Variants in RANBP17 observed in about 807,000 individuals in gnomAD.
RANBP17 encodes the protein RAN binding protein 17, also known as ran-binding protein 17.
RANBP17 carries 158 observed loss-of-function variants against 141.2 expected under a neutral mutation model. The ratio of observed to expected loss-of-function variants is 1.12; its 90% CI spans 0.98 to 1.28. RANBP17 has a LOEUF of 1.28. Ranked by LOEUF, RANBP17 falls within the 50% of genes most tolerant of loss-of-function variation. The pLI is 0.00. For missense variants in RANBP17, 1,438 were observed against 1,290.7 expected (o/e 1.11, Z -1.75); for synonymous variants, 430 against 450.0 (o/e 0.96, Z 0.56).
At chr5:171,296,857 G>C (rs554751623) in intron 27 of RANBP17, among the ~76,000 whole-genome samples, 1 of 152,206 alleles carries the variant, frequency 6.6e-6, no homozygotes, top group Non-Finnish European at 1.5e-5. Context: ...AAATTGCAGT[G>C]AGCTGAGATC....
At chr5:171,250,637 G>C (rs1302731407) in intron 24 of RANBP17, among the ~76,000 whole-genome samples, 1 of 151,974 alleles carries the variant, frequency 6.6e-6, no homozygotes, top group Non-Finnish European at 1.5e-5. Context: ...AAAGTAAAGA[G>C]AAGGAAAAAG....
At chr5:171,106,423 G>A (rs1186132738) in intron 14 of RANBP17, among the ~76,000 whole-genome samples, 1 of 152,178 alleles carries the variant, frequency 6.6e-6, no homozygotes, top group Non-Finnish European at 1.5e-5. Flanking sequence ...GGAATAGAAT[G>A]AGAATACTGG....
intron 13 of RANBP17, among the ~76,000 whole-genome samples, chr5:170,957,365 T>C (rs2127506532): frequency 6.6e-6 from 1 of 152,124 alleles, no homozygotes; most frequent in East Asian, 1.9e-4. Flanking sequence ...GGAAAGTAAG[T>C]GAGACAATAA....
At position 170,910,946 on chromosome 5, in the gene RANBP17, C is replaced by A. The variant is rs375419811; in HGVS notation, c.595-23C>A. The A allele has an allele frequency of 5.6e-6, 9 of 1,604,230 alleles. No homozygotes were observed. The African/African-American group carries it at 1.1e-4, about 19-fold the overall frequency. On this transcript the variant is annotated intron_variant, in intron 6 of 27. Transcript: ENST00000523189. ...TTATTGATGTATTTCGCAGTGTTTT[C>A]TTTGATTTTGTACTTTTTTCAGGTG...
chr5:170,892,103 CT>C (rs1169984601), intron 3 of RANBP17, among the ~76,000 whole-genome samples: 1 of 145,104 alleles, frequency 6.9e-6, no homozygotes, highest in East Asian at 2.0e-4. Flanking sequence ...AATACTGCAA[CT>C]TTTTTGTTTA....
intron 13 of RANBP17, among the ~76,000 whole-genome samples, chr5:170,963,764 A>G (rs546510494): frequency 6.6e-6 from 1 of 152,328 alleles, no homozygotes; most frequent in South Asian, 2.1e-4. Context: ...CTGGTTCCTA[A>G]CAGGCCACAG....
intron 3 of RANBP17, among the ~76,000 whole-genome samples, chr5:170,884,236 C>T (rs1768961889): frequency 6.6e-6 from 1 of 152,120 alleles, no homozygotes; most frequent in Non-Finnish European, 1.5e-5. Context: ...GACCTCTGTA[C>T]AATTGACCCT....
At chr5:171,265,919 T>G (rs897659884) in intron 25 of RANBP17, 72 bp downstream of exon 25, 2 of 1,392,958 alleles carry the variant, frequency 1.4e-6, no homozygotes, top group Admixed American at 2.1e-5. Flanking sequence ...CGAATTTATC[T>G]TAGAGCAGCT....
chr5:171,032,485 T>A (rs1352371126), intron 14 of RANBP17, among the ~76,000 whole-genome samples: 2 of 152,122 alleles, frequency 1.3e-5, no homozygotes, highest in Admixed American at 1.3e-4. Context: ...ACTTTAAACA[T>A]TGATTTAGAG....
At chr5:171,093,466 C>T (rs953195551) in intron 14 of RANBP17, among the ~76,000 whole-genome samples, 19 of 152,138 alleles carry the variant, frequency 1.2e-4, no homozygotes, top group Admixed American at 9.8e-4. Context: ...GTAATGATTC[C>T]TCTCTACCAG....
intron 25 of RANBP17, among the ~76,000 whole-genome samples, chr5:171,278,790 G>C (rs1317487054): frequency 6.6e-6 from 1 of 152,154 alleles, no homozygotes; most frequent in Non-Finnish European, 1.5e-5. Context: ...ACCCCTTATA[G>C]ACTTAAGTTT....
chr5:171,071,475 A>G (rs1304753747), intron 14 of RANBP17, among the ~76,000 whole-genome samples: 1 of 152,008 alleles, frequency 6.6e-6, no homozygotes, highest in East Asian at 1.9e-4. Flanking sequence ...TACATAAGTC[A>G]AGCCAGTGGG....
chr5:171,239,832 G>T (rs1192910062), intron 22 of RANBP17, among the ~76,000 whole-genome samples: 2 of 152,158 alleles, frequency 1.3e-5, no homozygotes, highest in Non-Finnish European at 2.9e-5. Flanking sequence ...ACAGGACAAG[G>T]AAGAACAAGG....
At chr5:170,989,817 A>G (rs1273830684) in intron 14 of RANBP17, among the ~76,000 whole-genome samples, 1 of 151,760 alleles carries the variant, frequency 6.6e-6, no homozygotes, top group African/African-American at 2.4e-5. Context: ...AATATATATG[A>G]CTGTTAAGCC....
chr5:171,274,436 A>G (rs950585815), intron 25 of RANBP17, among the ~76,000 whole-genome samples: 4 of 152,208 alleles, frequency 2.6e-5, no homozygotes, highest in Admixed American at 6.5e-5. Context: ...GATCTAGTCC[A>G]GATCCTTTGT....
chr5:171,254,871 A>G (rs1765790786), intron 24 of RANBP17, among the ~76,000 whole-genome samples: 1 of 152,210 alleles, frequency 6.6e-6, no homozygotes, highest in Non-Finnish European at 1.5e-5. Context: ...CTATGGAAAA[A>G]CAAACAACAA....
intron 12 of RANBP17, among the ~76,000 whole-genome samples, chr5:170,935,193 T>G (rs960809860): frequency 2.6e-5 from 4 of 152,238 alleles, no homozygotes; most frequent in African/African-American, 9.6e-5. Context: ...TTATTCTAGT[T>G]AGCCATTCGT....
rs1771758465 is a variant in RANBP17, at chr5:170,914,171, C to T, written c.765C>T (p.Phe255=). The stretch of plus-strand genomic sequence containing the variant: ...GAAAATAATTTTTTTTCCCAGTTTT[C>T]CTGGAACCAGAAACATTGGATCTTT... ...VQIPTTWRTI[F]LEPETLDLFF... Residue 255 remains phenylalanine (F), a synonymous_variant, in exon 8 of 28, where the codon TTC becomes TTT. Coordinates refer to ENST00000523189, the MANE Select transcript of RANBP17 (RefSeq NM_022897.5). 6.2e-7 allele frequency: 1 copy of T among 1,603,308 alleles called. No homozygotes were observed. The highest frequency in any genetic ancestry group is 8.5e-7 in the Non-Finnish European group (1 of 1,171,312).
At chr5:170,922,512 G>A (rs1170259097) in intron 11 of RANBP17, among the ~76,000 whole-genome samples, 1 of 152,164 alleles carries the variant, frequency 6.6e-6, no homozygotes, top group Non-Finnish European at 1.5e-5. Context: ...AGCTATTCAA[G>A]CCTCAGCAAT....
Sources: gnomAD v4.1 joint callset for allele counts (sites outside exome capture counted in the v4.1 genomes callset) on GRCh38, gnomAD v4.1.1 for gene constraint, MANE v1.5 for transcripts, NCBI Gene and HGNC (gene_info 2026-07-23, HGNC 2026-07-21) for gene names.